Variants in NME7 observed in about 807,000 individuals in gnomAD.
The protein encoded by NME7 is nucleoside diphosphate kinase 7.
Under a neutral mutation model 49.1 loss-of-function variants are expected in NME7, and 41 were observed. That is an observed-to-expected ratio of 0.83 (90% confidence interval 0.65 to 1.08). The LOEUF (loss-of-function observed/expected upper bound fraction) is 1.08. Ranked by LOEUF, NME7 falls within the 50% of genes least tolerant of loss-of-function variation. The pLI is 0.00. For synonymous variants in NME7, 139 were observed against 150.6 expected (o/e 0.92, Z 0.56); for missense variants, 423 against 463.4 (o/e 0.91, Z 0.80).
intron 1 of NME7, among the ~76,000 whole-genome samples, chr1:169,359,533 G>A (rs564965548): frequency 9.9e-5 from 15 of 151,562 alleles, no homozygotes; most frequent in Admixed American, 3.3e-4. Context: ...TATTAATAGC[G>A]ATTGTATACA....
At chr1:169,242,647 T>C (rs2101834750) in intron 7 of NME7, among the ~76,000 whole-genome samples, 1 of 151,414 alleles carries the variant, frequency 6.6e-6, no homozygotes, top group East Asian at 1.9e-4. Context: ...TCTATTTGTA[T>C]ATGACATGAC....
chr1:169,323,010 C>T, intron 3 of NME7, 107 bp downstream of exon 3: 1 of 821,124 alleles, frequency 1.2e-6, no homozygotes. Context: ...CAACCATTTT[C>T]CAGGTCCTAT....
At chr1:169,184,128 CACTT>C (rs1245052075) in intron 10 of NME7, among the ~76,000 whole-genome samples, 2 of 151,760 alleles carry the variant, frequency 1.3e-5, no homozygotes, top group African/African-American at 4.8e-5. Flanking sequence ...TCTTGAAACA[CACTT>C]ACATTGTTTT....
intron 7 of NME7, among the ~76,000 whole-genome samples, chr1:169,239,540 T>C (rs1219678299): frequency 6.6e-6 from 1 of 152,020 alleles, no homozygotes; most frequent in Non-Finnish European, 1.5e-5. Flanking sequence ...ACCCAAAACA[T>C]ACTAAATAGC....
intron 10 of NME7, among the ~76,000 whole-genome samples, chr1:169,205,309 A>T (rs1254566833): frequency 2.6e-5 from 4 of 152,094 alleles, no homozygotes; most frequent in African/African-American, 9.7e-5. Flanking sequence ...AAGGTTCCAG[A>T]TCTAAAGGCA....
chr1:169,272,334 A>C lies in NME7; in HGVS notation c.754+14969T>G, dbSNP rs952380727. On this transcript the variant is annotated intron_variant, in intron 7 of 11. Coordinates refer to ENST00000367811, the MANE Select transcript of NME7 (RefSeq NM_013330.5). ...TCTGGGACACATGTGCATGATGTGC[A>C]AGTTTGTTACATAGGTAAATGTGTG... 3.0e-5 allele frequency among the ~76,000 whole-genome samples: 4 copies of C among 133,490 alleles called. 1 individual carries two copies. The highest frequency in any genetic ancestry group is 7.0e-5 in the Non-Finnish European group (4 of 56,958). 87.6% of individuals were successfully genotyped at this position (133,490 alleles called of 152,430 possible). A position where few individuals can be genotyped will look rare whatever the true frequency, so the allele number is the denominator to read the frequency against.
At chr1:169,337,848 T>C (rs1312927439) in intron 1 of NME7, among the ~76,000 whole-genome samples, 3 of 152,224 alleles carry the variant, frequency 2.0e-5, no homozygotes, top group Non-Finnish European at 4.4e-5. Context: ...CCTCCAGGGC[T>C]TCCTTCAAAG....
chr1:169,251,650 A>G lies in NME7; in HGVS notation c.755-13963T>C, dbSNP rs200949391. Among the ~76,000 whole-genome samples, 663 of 143,426 alleles carry G rather than the reference A, an allele frequency of 4.6e-3. 18 individuals carry two copies. The highest frequency in any genetic ancestry group is 0.038 in the Admixed American group (527 of 13,766). The allele number at this position is 143,426 out of a possible 152,430, so 94.1% of individuals were successfully genotyped here. ...ATGTATACATGTGCCATGCTGGTGC[A>G]CTGCACCCACTAACTCATCATCTAG... On this transcript the variant is annotated intron_variant, in intron 7 of 11. Transcript: ENST00000367811.
chr1:169,293,151 C>T (rs1319615517), intron 6 of NME7, among the ~76,000 whole-genome samples: 1 of 151,792 alleles, frequency 6.6e-6, no homozygotes, highest in African/African-American at 2.4e-5. Flanking sequence ...AAAAAAATAG[C>T]TGGACATGGT....
At chr1:169,254,883 A>T (rs1461812120) in intron 7 of NME7, among the ~76,000 whole-genome samples, 3 of 128,698 alleles carry the variant, frequency 2.3e-5, no homozygotes, top group Non-Finnish European at 3.5e-5. Context: ...TTTGAGTGAG[A>T]TTCTTAATCC....
chr1:169,181,711 T>C (rs1394010388), intron 10 of NME7, among the ~76,000 whole-genome samples: 1 of 152,218 alleles, frequency 6.6e-6, no homozygotes, highest in Non-Finnish European at 1.5e-5. Flanking sequence ...TTCAGCCTTT[T>C]GCCTCACAAC....
intron 7 of NME7, among the ~76,000 whole-genome samples, chr1:169,276,683 TC>T (rs1041486002): frequency 7.5e-6 from 1 of 133,480 alleles, no homozygotes; most frequent in African/African-American, 2.5e-5. Flanking sequence ...GGTCTCTATT[TC>T]CTTCAGTTCT....
At chr1:169,168,379 T>C (rs1659475003) in intron 11 of NME7, among the ~76,000 whole-genome samples, 1 of 152,218 alleles carries the variant, frequency 6.6e-6, no homozygotes, top group Non-Finnish European at 1.5e-5. Flanking sequence ...CAGACCCATA[T>C]GAATTTGCCA....
chr1:169,245,752 T>C (rs1648287536), intron 7 of NME7, among the ~76,000 whole-genome samples: 1 of 152,142 alleles, frequency 6.6e-6, no homozygotes, highest in African/African-American at 2.4e-5. Context: ...ACATGATTAG[T>C]GTAAAGACAA....
At chr1:169,165,458 T>C (rs1480229627) in intron 11 of NME7, among the ~76,000 whole-genome samples, 1 of 152,206 alleles carries the variant, frequency 6.6e-6, no homozygotes, top group Non-Finnish European at 1.5e-5. Flanking sequence ...CTTTCTCTTC[T>C]TGCCATATAA....
intron 11 of NME7, among the ~76,000 whole-genome samples, chr1:169,133,247 A>ATAATC (rs71121724): frequency 2.0e-5 from 3 of 151,864 alleles, no homozygotes; most frequent in African/African-American, 7.3e-5. Context: ...GAAGATAAAA[A>ATAATC]AGCTTTCCAA....
chr1:169,252,582 G>C (rs553917605), intron 7 of NME7, among the ~76,000 whole-genome samples: 1 of 152,056 alleles, frequency 6.6e-6, no homozygotes, highest in Non-Finnish European at 1.5e-5. Context: ...CCCATTTGTC[G>C]ATTTTGTCTT....
chr1:169,138,390 A>C (rs530712044), intron 11 of NME7, among the ~76,000 whole-genome samples: 1 of 151,568 alleles, frequency 6.6e-6, no homozygotes, highest in African/African-American at 2.4e-5. Context: ...TAATTCTGGA[A>C]ACCCAATGTC....
chr1:169,292,021 A>G (rs527537610), intron 6 of NME7, among the ~76,000 whole-genome samples: 1 of 152,252 alleles, frequency 6.6e-6, no homozygotes, highest in East Asian at 1.9e-4. Context: ...AACACAACAA[A>G]TCGCTGAAAT....
Sources: allele counts gnomAD v4.1 joint callset (sites outside exome capture counted in the v4.1 genomes callset), GRCh38; gene constraint gnomAD v4.1.1; transcripts MANE v1.5; gene names NCBI Gene and HGNC (gene_info 2026-07-23, HGNC 2026-07-21).